SLC13A4: variants seen among roughly 807,000 people sequenced by gnomAD.
SLC13A4 encodes the protein Na(+)/sulfate cotransporter SUT-1.
Under a neutral mutation model 72.7 loss-of-function variants are expected in SLC13A4, and 28 were observed. That is an observed-to-expected ratio of 0.39 (90% CI 0.29 to 0.53). The LOEUF is 0.53. SLC13A4 is among the 20% of genes least tolerant of loss of function. The probability of loss-of-function intolerance (pLI) is 0.78; values close to 1 mark genes in which losing one functional copy is unlikely to be tolerated. For missense variants in SLC13A4, 653 were observed against 788.0 expected, an observed-to-expected ratio of 0.83 and a Z score of 2.05; for synonymous variants, 312 against 325.5, an observed-to-expected ratio of 0.96 and a Z score of 0.45.
intron 7 of SLC13A4, among the ~76,000 whole-genome samples, chr7:135,700,700 A>G (rs577404822): frequency 5.3e-5 from 8 of 152,316 alleles, no homozygotes; most frequent in African/African-American, 1.7e-4. Flanking sequence ...GCTAGAGTGC[A>G]GTGGTGCCAT....
chr7:135,698,795 C>G (rs1795963868), intron 8 of SLC13A4, among the ~76,000 whole-genome samples: 2 of 151,210 alleles, frequency 1.3e-5, no homozygotes, highest in South Asian at 4.2e-4. Flanking sequence ...CCACCACACC[C>G]AGCTCATTTT....
Position 135,684,146 on chromosome 7 carries a change from C to T in SLC13A4, c.1724G>A (p.Gly575Glu), listed in dbSNP as rs1795568770. ...CACCATATCTTTGATCTGGCAGTGC[C>T]CATAGCTGAAGACGATGGCATTAGG... Reference protein sequence around the residue: ...NPPNAIVFSYGHCQIKDMVKA... With the variant: ...NPPNAIVFSYEHCQIKDMVKA... The change falls in exon 15 of 16, where the codon GGG becomes GAG. Residue 575 changes from glycine (G) to glutamate (E), a missense_variant. Physicochemically the swap from Gly to Glu is moderately conservative, Grantham distance 98 (BLOSUM62 -2). Coordinates refer to ENST00000682651, the MANE Select transcript of SLC13A4 (RefSeq NM_001318192.2). 6.2e-7 allele frequency: 1 copy of T among 1,611,106 alleles called. No homozygotes were observed. The highest frequency in any genetic ancestry group is 1.7e-5 in the Admixed American group (1 of 59,790).
At chr7:135,722,166 C>T (rs1796562448) in intron 1 of SLC13A4, among the ~76,000 whole-genome samples, 1 of 152,198 alleles carries the variant, frequency 6.6e-6, no homozygotes, top group South Asian at 2.1e-4. Context: ...ATCACTTGAG[C>T]CCAGGGGCTT....
At chr7:135,685,447 T>A in intron 14 of SLC13A4, 75 bp downstream of exon 14, 4 of 1,351,688 alleles carry the variant, frequency 3.0e-6, no homozygotes, top group Non-Finnish European at 3.1e-6. Flanking sequence ...CTACGGAAGC[T>A]GCCCTGAGCC....
intron 15 of SLC13A4, 38 bp from the exon 16 acceptor site, chr7:135,681,738 C>G (rs754365289): frequency 1.4e-5 from 22 of 1,599,554 alleles, no homozygotes; most frequent in Non-Finnish European, 1.7e-5. Flanking sequence ...GTCACTCTGA[C>G]CAGCAGCAGC....
At chr7:135,694,685 C>G (rs1173438992) in intron 9 of SLC13A4, among the ~76,000 whole-genome samples, 1 of 152,222 alleles carries the variant, frequency 6.6e-6, no homozygotes, top group African/African-American at 2.4e-5. Context: ...AACAAACACA[C>G]AAACATCTGC....
At chr7:135,684,429 C>T (rs189095864) in intron 14 of SLC13A4, among the ~76,000 whole-genome samples, 168 bp from the exon 15 acceptor site, 1 of 152,334 alleles carries the variant, frequency 6.6e-6, no homozygotes, top group Non-Finnish European at 1.5e-5. Flanking sequence ...CCCTTGACAA[C>T]CTGAATAGGC....
intron 7 of SLC13A4, among the ~76,000 whole-genome samples, chr7:135,700,101 T>C (rs1422122861): frequency 6.6e-6 from 1 of 152,206 alleles, no homozygotes; most frequent in Non-Finnish European, 1.5e-5. Flanking sequence ...CTGGATTACA[T>C]AAAAACCCTA....
chr7:135,681,417 G>A lies in SLC13A4; in HGVS notation c.*146C>T. 1.1e-6 allele frequency: 1 copy of A among 934,070 alleles called. No individual in the cohort carries two copies. The highest frequency in any genetic ancestry group is 1.6e-6 in the Non-Finnish European group (1 of 636,022). 57.9% of individuals were successfully genotyped at this position (934,070 alleles called of 1,614,324 possible). On this transcript the variant is annotated 3_prime_UTR_variant, in exon 16 of 16. Transcript: ENST00000682651. The stretch of plus-strand genomic sequence containing the variant: ...AGGATTCCTGCAGTTCACTTGAGGT[G>A]GCGGAATCTTCTGGTGGAGGGATGC...
intron 4 of SLC13A4, 53 bp from the exon 5 acceptor site, chr7:135,705,703 C>A: frequency 1.4e-5 from 21 of 1,548,706 alleles, no homozygotes; most frequent in Non-Finnish European, 1.9e-5. Flanking sequence ...GGGGCTGACC[C>A]TGTGGGTTGG....
chr7:135,715,471 GTGTGTA>G (rs1489295134), intron 2 of SLC13A4, among the ~76,000 whole-genome samples: 4 of 132,414 alleles, frequency 3.0e-5, no homozygotes, highest in South Asian at 2.6e-4. Context: ...GCATATGAGT[GTGTGTA>G]TGTGTATGTA....
At chr7:135,689,869 T>C (rs1795736288) in intron 13 of SLC13A4, among the ~76,000 whole-genome samples, 2 of 151,952 alleles carry the variant, frequency 1.3e-5, no homozygotes, top group African/African-American at 4.8e-5. Context: ...ATAATGCAGA[T>C]AGTATTTTGG....
chr7:135,715,430 CGTGT>C (rs1163560183), intron 2 of SLC13A4, among the ~76,000 whole-genome samples: 3 of 146,064 alleles, frequency 2.1e-5, no homozygotes, highest in South Asian at 2.3e-4. Flanking sequence ...AGTGTGTGAG[CGTGT>C]GTATGAGTGT....
intron 2 of SLC13A4, among the ~76,000 whole-genome samples, chr7:135,721,037 T>A (rs1167091378): frequency 1.3e-5 from 2 of 152,196 alleles, no homozygotes; most frequent in Non-Finnish European, 2.9e-5. Flanking sequence ...TGTGTGCTTA[T>A]CGTCTAAATA....
At position 135,681,596 on chromosome 7, in the gene SLC13A4, C is replaced by G. The variant is rs1795502914; in HGVS notation, c.1851G>C (p.Trp617Cys). 1 of 1,613,890 alleles carries G rather than the reference C, an allele frequency of 6.2e-7. No individual in the cohort carries two copies. The highest frequency in any genetic ancestry group is 1.3e-5 in the African/African-American group (1 of 74,894). ...GATCAGTGATGTTGCTGACCCTCGC[C>G]CATGCTGGGTAAGTGTCCAGGTGGA... ...SLFHLDTYPA[W>C]ARVSNITDQA Residue 617 changes from tryptophan (W) to cysteine (C), a missense_variant, in exon 16 of 16, where the codon TGG (tryptophan) becomes TGC (cysteine). By Grantham distance (215) the Trp-to-Cys change is radical. Transcript: ENST00000682651.
Position 135,705,605 on chromosome 7 carries a change from A to G in SLC13A4, c.584T>C (p.Val195Ala). The change falls in exon 5 of 16, where the codon GTC (valine) becomes GCC (alanine). Residue 195 changes from valine to alanine, a missense_variant. Transcript: ENST00000682651. ...NSQPSLELIF[V>A]NEDRSNADLT... ...GGGCAGTCATACTCACTCTTCATTG[A>G]CAAAGATGAGTTCCAGAGAAGGTTG... is the stretch of plus-strand genomic sequence containing the variant. 2 of 1,614,056 alleles carry G rather than the reference A, an allele frequency of 1.2e-6. No homozygotes were observed. The highest frequency in any genetic ancestry group is 1.7e-6 in the Non-Finnish European group (2 of 1,179,930).
chr7:135,716,042 A>G (rs1796426306), intron 2 of SLC13A4, among the ~76,000 whole-genome samples: 2 of 152,266 alleles, frequency 1.3e-5, no homozygotes, highest in East Asian at 3.9e-4. Flanking sequence ...ACACATGGCA[A>G]CTCATGTCAG....
chr7:135,691,469 G>A (rs1465026140), intron 12 of SLC13A4, 79 bp downstream of exon 12: 1 of 1,519,510 alleles, frequency 6.6e-7, no homozygotes, highest in Non-Finnish European at 9.1e-7. Context: ...GAAGGACCTT[G>A]GTAAATCTCT....
At chr7:135,721,247 G>T in intron 2 of SLC13A4, 148 bp downstream of exon 2, 1 of 852,864 alleles carries the variant, frequency 1.2e-6, no homozygotes. Flanking sequence ...AGAACTGCAG[G>T]TGCCAAAGCT....
Sources: gnomAD v4.1 joint callset for allele counts (sites outside exome capture counted in the v4.1 genomes callset) on GRCh38, gnomAD v4.1.1 for gene constraint, MANE v1.5 for transcripts, NCBI Gene and HGNC (gene_info 2026-07-23, HGNC 2026-07-21) for gene names.